Variants in FOCAD observed in about 807,000 individuals in gnomAD.
The protein encoded by FOCAD is focadhesin.
A neutral mutation model predicts 225.6 loss-of-function variants in FOCAD; 198 were observed. That is an observed-to-expected ratio of 0.88 (90% confidence interval 0.78 to 0.99). The LOEUF is 0.99. FOCAD is among the 50% of genes least tolerant of loss of function. The pLI, the probability that FOCAD is intolerant of heterozygous loss-of-function variation, is 0.00. For synonymous variants in FOCAD, 897 were observed against 755.0 expected, an observed-to-expected ratio of 1.19 and a Z score of -3.08; for missense variants, 2,713 against 2,123.6, an observed-to-expected ratio of 1.28 and a Z score of -5.46.
chr9:20,816,162 A>G (rs1823708450), intron 11 of FOCAD, among the ~76,000 whole-genome samples: 1 of 152,150 alleles, frequency 6.6e-6, no homozygotes, highest in African/African-American at 2.4e-5. Flanking sequence ...AGACATAAAT[A>G]CAGTACTTTA....
At chr9:20,754,939 G>A (rs1391484971) in intron 5 of FOCAD, among the ~76,000 whole-genome samples, 1 of 152,136 alleles carries the variant, frequency 6.6e-6, no homozygotes, top group Non-Finnish European at 1.5e-5. Flanking sequence ...TTTTATATAT[G>A]TATTACACAC....
Position 20,770,133 on chromosome 9 carries a change from G to C in FOCAD, c.801G>C (p.Gln267His). 1 of 1,614,112 alleles carries C rather than the reference G, an allele frequency of 6.2e-7. No individual in the cohort carries two copies. Among genetic ancestry groups the C allele is most frequent in the Non-Finnish European group, 8.5e-7 (1 of 1,180,008 alleles). ...HPVFWKIQLT[Q>H]MSLQLLCVSE... Reference sequence around the variant, plus strand: ...TTTTCTGGAAAATTCAGCTTACCCAGATGAGTCTTCAGCTGCTGTGTGTCA... The same window carrying C: ...TTTTCTGGAAAATTCAGCTTACCCACATGAGTCTTCAGCTGCTGTGTGTCA... The change falls in exon 8 of 44, where the codon CAG becomes CAC. Residue 267 changes from glutamine (Q) to histidine (H), a missense_variant. Coordinates refer to ENST00000338382, the MANE Select transcript of FOCAD (RefSeq NM_001375567.1).
Position 20,865,828 on chromosome 9 carries a change from A to T in FOCAD, c.2056-98A>T, listed in dbSNP as rs755801046. The T allele has an allele frequency of 1.5e-3, 1,144 of 783,148 alleles. 2 individuals are homozygous for T. Among genetic ancestry groups the T allele is most frequent in the Non-Finnish European group, 2.0e-3 (979 of 489,172 alleles). The allele number at this position is 783,148 out of a possible 1,614,324, so 48.5% of individuals were successfully genotyped here. A position where few individuals can be genotyped will look rare whatever the true frequency, so the allele number is the denominator to read the frequency against. ...AGTGAATTTCTGGTGGTGTTACTTT[A>T]AAAGTGACTTAATTTTCATTATTTG... On this transcript the variant is annotated intron_variant, in intron 16 of 43. Transcript: ENST00000338382.
At chr9:20,920,042 A>G (rs999774601) in intron 24 of FOCAD, among the ~76,000 whole-genome samples, 3 of 152,160 alleles carry the variant, frequency 2.0e-5, no homozygotes, top group Non-Finnish European at 4.4e-5. Flanking sequence ...AAAATGGGAG[A>G]AAATTTTCTC....
At chr9:20,946,647 G>C (rs1837210752) in intron 29 of FOCAD, 54 bp from the exon 30 acceptor site, 2 of 1,565,774 alleles carry the variant, frequency 1.3e-6, no homozygotes, top group East Asian at 2.3e-5. Flanking sequence ...ACTAAACCGA[G>C]TTCTTTTATT....
intron 1 of FOCAD, among the ~76,000 whole-genome samples, chr9:20,701,894 A>T (rs1247311326): frequency 6.6e-6 from 1 of 152,188 alleles, no homozygotes; most frequent in Non-Finnish European, 1.5e-5. Flanking sequence ...TTGATTTAAC[A>T]CGTATGTGCA....
intron 11 of FOCAD, among the ~76,000 whole-genome samples, chr9:20,808,447 G>A (rs1044837938): frequency 1.3e-5 from 2 of 152,198 alleles, no homozygotes; most frequent in Non-Finnish European, 2.9e-5. Context: ...TGGAATAAAG[G>A]TGTGCATAAA....
At chr9:20,816,843 TACA>T (rs1425784705) in intron 11 of FOCAD, among the ~76,000 whole-genome samples, 1 of 152,162 alleles carries the variant, frequency 6.6e-6, no homozygotes, top group East Asian at 1.9e-4. Context: ...AACAATATAG[TACA>T]ACAACTATTT....
At chr9:20,922,334 A>G (rs1173430694) in intron 24 of FOCAD, among the ~76,000 whole-genome samples, 1 of 143,912 alleles carries the variant, frequency 6.9e-6, no homozygotes, top group Non-Finnish European at 1.6e-5. Flanking sequence ...AGAGGAATAC[A>G]TTGAGGTGGG....
chr9:20,828,169 A>AG (rs1491295716), intron 15 of FOCAD, among the ~76,000 whole-genome samples: 1 of 151,462 alleles, frequency 6.6e-6, no homozygotes, highest in East Asian at 1.9e-4. Context: ...AAAAAAAAAA[A>AG]GAGAGAAAAA....
At chr9:20,786,095 A>G (rs1464729912) in intron 10 of FOCAD, among the ~76,000 whole-genome samples, 1 of 152,138 alleles carries the variant, frequency 6.6e-6, no homozygotes, top group Admixed American at 6.6e-5. Context: ...TAGAGTTGGA[A>G]TTCAGATTTT....
At chr9:20,759,625 G>A (rs1033061637) in intron 6 of FOCAD, among the ~76,000 whole-genome samples, 5 of 152,090 alleles carry the variant, frequency 3.3e-5, no homozygotes, top group Non-Finnish European at 7.4e-5. Flanking sequence ...GAAAACCTAG[G>A]CATTACCATT....
intron 12 of FOCAD, 108 bp from the exon 13 acceptor site, chr9:20,820,216 T>C: frequency 1.3e-6 from 1 of 747,030 alleles, no homozygotes; most frequent in Non-Finnish European, 2.2e-6. Flanking sequence ...GCAGCAAGCT[T>C]TCTTCTCAGT....
chr9:20,747,672 G>A (rs1223226871), intron 5 of FOCAD, among the ~76,000 whole-genome samples: 2 of 152,054 alleles, frequency 1.3e-5, no homozygotes, highest in East Asian at 1.9e-4. Flanking sequence ...GAACAATACA[G>A]TGTGGCTTCT....
At chr9:20,856,705 A>G (rs1002119253) in intron 15 of FOCAD, among the ~76,000 whole-genome samples, 1 of 152,008 alleles carries the variant, frequency 6.6e-6, no homozygotes, top group Non-Finnish European at 1.5e-5. Flanking sequence ...GTTTTCTTAT[A>G]GTAGTTTCAT....
At chr9:20,779,746 G>A (rs1157161375) in intron 9 of FOCAD, among the ~76,000 whole-genome samples, 1 of 148,556 alleles carries the variant, frequency 6.7e-6, no homozygotes, top group African/African-American at 2.5e-5. Flanking sequence ...GCGAAACTCC[G>A]TCTCAAAAAA....
chr9:20,829,471 G>C (rs1407167168), intron 15 of FOCAD, among the ~76,000 whole-genome samples: 1 of 151,700 alleles, frequency 6.6e-6, no homozygotes, highest in Non-Finnish European at 1.5e-5. Flanking sequence ...ATCCCATGTA[G>C]TTTTCATTTG....
chr9:20,907,298 T>TAAA, intron 22 of FOCAD, 56 bp downstream of exon 22: 1 of 1,395,900 alleles, frequency 7.2e-7, no homozygotes, highest in Non-Finnish European at 1.0e-6. Flanking sequence ...ATCTCATGTT[T>TAAA]TGCTACAAAT....
intron 3 of FOCAD, among the ~76,000 whole-genome samples, chr9:20,718,613 G>C (rs1048348158): frequency 6.6e-6 from 1 of 152,304 alleles, no homozygotes; most frequent in Middle Eastern, 3.4e-3. Context: ...GTTGAAGTAA[G>C]TGTAGGACAC....
Sources: gnomAD v4.1 joint callset for allele counts (sites outside exome capture counted in the v4.1 genomes callset) on GRCh38, gnomAD v4.1.1 for gene constraint, MANE v1.5 for transcripts, NCBI Gene and HGNC (gene_info 2026-07-23, HGNC 2026-07-21) for gene names.